AP3B1: variants seen among roughly 807,000 people sequenced by gnomAD.
AP3B1 encodes AP-3 complex subunit beta-1.
In AP3B1, 61 loss-of-function variants were observed where a neutral mutation model predicts 132.5. The ratio of observed to expected loss-of-function variants is 0.46; its 90% CI spans 0.37 to 0.57. The LOEUF (loss-of-function observed/expected upper bound fraction) is 0.57. AP3B1 is among the 20% of genes least tolerant of loss of function. AP3B1 has a pLI of 0.00. For synonymous variants in AP3B1, 388 were observed against 438.3 expected (o/e 0.89, Z 1.43); for missense variants, 1,120 against 1,289.4 (o/e 0.87, Z 2.01).
intron 17 of AP3B1, among the ~76,000 whole-genome samples, chr5:78,125,582 G>A (rs1052726738): frequency 2.6e-5 from 4 of 152,004 alleles, no homozygotes; most frequent in South Asian, 2.1e-4. Context: ...AACTATCTAC[G>A]TTATTTTTAT....
At position 78,279,334 on chromosome 5, in the gene AP3B1, A is replaced by G. The variant is rs929156208; in HGVS notation, c.129-11739T>C. 2.6e-5 allele frequency among the ~76,000 whole-genome samples: 4 copies of G among 152,142 alleles called. No individual in the cohort carries two copies. In the East Asian group the frequency reaches 7.7e-4, roughly 29 times the overall value. ...GGTTTTATTTTCTGAAGCTTATAAC[A>G]CTGTCTTATTTTAGTATCACAAAGT... On this transcript the variant is annotated intron_variant, in intron 1 of 26. Transcript: ENST00000255194.
chr5:78,223,905 CAGAG>C (rs1430514542), intron 6 of AP3B1, among the ~76,000 whole-genome samples: 1 of 152,128 alleles, frequency 6.6e-6, no homozygotes, highest in Non-Finnish European at 1.5e-5. Flanking sequence ...ACATATTATA[CAGAG>C]AGAGTTCATT....
chr5:78,229,069 A>G (rs1746519009), intron 3 of AP3B1, among the ~76,000 whole-genome samples: 1 of 151,844 alleles, frequency 6.6e-6, no homozygotes, highest in Non-Finnish European at 1.5e-5. Flanking sequence ...AGTGGCTGGA[A>G]CTACAGGTAT....
Position 78,142,899 on chromosome 5 carries a change from C to A in AP3B1, c.1474-1580G>T, listed in dbSNP as rs1313650362. ...TGGAAAGAAAAGAGGTTATTTCTAA[C>A]GTTCCAAAGGTTACACTGCATTAAG... is the stretch of plus-strand genomic sequence containing the variant. On this transcript the variant is annotated intron_variant, in intron 14 of 26. Coordinates refer to ENST00000255194, the MANE Select transcript of AP3B1 (RefSeq NM_003664.5). 2.0e-5 allele frequency among the ~76,000 whole-genome samples: 3 copies of A among 152,056 alleles called. No individual in the cohort carries two copies. In the East Asian group the frequency reaches 5.8e-4, roughly 29 times the overall value.
chr5:78,149,239 T>C (rs1425489568), intron 14 of AP3B1, among the ~76,000 whole-genome samples: 1 of 152,162 alleles, frequency 6.6e-6, no homozygotes, highest in Non-Finnish European at 1.5e-5. Flanking sequence ...AGATAGATTA[T>C]AAATGGAAGT....
chr5:78,274,949 C>T (rs747771079), intron 1 of AP3B1, among the ~76,000 whole-genome samples: 3 of 151,936 alleles, frequency 2.0e-5, no homozygotes, highest in Non-Finnish European at 4.4e-5. Context: ...AGAAAATTAC[C>T]TTGAGACAGG....
chr5:78,221,532 A>T (rs896240369), intron 6 of AP3B1, among the ~76,000 whole-genome samples: 1 of 151,980 alleles, frequency 6.6e-6, no homozygotes, highest in Admixed American at 6.6e-5. Context: ...AGCAAAAATA[A>T]TCAGATGTGA....
intron 26 of AP3B1, among the ~76,000 whole-genome samples, chr5:78,006,117 G>A (rs1278960702): frequency 1.3e-5 from 2 of 152,318 alleles, no homozygotes; most frequent in Non-Finnish European, 2.9e-5. Flanking sequence ...TGTTCTGGCA[G>A]TGGGTTCTAA....
intron 23 of AP3B1, among the ~76,000 whole-genome samples, chr5:78,035,767 C>G (rs1420649613): frequency 1.3e-5 from 2 of 152,028 alleles, no homozygotes; most frequent in Non-Finnish European, 1.5e-5. Flanking sequence ...CTAACATTTT[C>G]CAGGATGCCA....
In AP3B1 at chr5:78,294,565, A is replaced by T. The variant is rs1323574701; in HGVS notation, c.15T>A (p.Ser5Arg). The change falls in exon 1 of 27, where the codon AGT becomes AGA. Residue 5 changes from serine to arginine, a missense_variant. Physicochemically the swap from Ser to Arg is moderately radical, Grantham distance 110. Coordinates refer to ENST00000255194, the MANE Select transcript of AP3B1 (RefSeq NM_003664.5). ...CTCCGGACTGCTCATTGTAAGGAAA[A>T]CTATTGCTGGACATTGCCGCGGTGC... The part of the protein sequence containing the change: MSSN[S>R]FPYNEQSGGG... The T allele has an allele frequency of 6.2e-7, 1 of 1,614,140 alleles. No individual in the cohort carries two copies. The highest frequency in any genetic ancestry group is 1.1e-5 in the South Asian group (1 of 91,088).
chr5:78,193,746 A>ATATT (rs1744949291), intron 7 of AP3B1, among the ~76,000 whole-genome samples: 1 of 26,040 alleles, frequency 3.8e-5, no homozygotes, highest in Non-Finnish European at 7.2e-5. Flanking sequence ...ATATTTTTTT[A>ATATT]TATATATATA....
In AP3B1 at chr5:78,107,230, T is replaced by C. The variant is rs141802221; in HGVS notation, c.2397+2977A>G. On this transcript the variant is annotated intron_variant, in intron 20 of 26. Transcript: ENST00000255194. ...AAGGGATGCAGAGACTTTTAAGTAG[T>C]AGGGGAATAGTCATAAAAAAAGATC... Among the ~76,000 whole-genome samples, 271 of 152,212 alleles carry C rather than the reference T, an allele frequency of 1.8e-3. 1 individual carries two copies. Among genetic ancestry groups the C allele is most frequent in the African/African-American group, 6.4e-3 (265 of 41,532 alleles).
rs1226794323 is a variant in AP3B1 at position 78,103,423 on chromosome 5, GA to G, written c.2398-2399del. ...GCAGCATGAGCCATGGAGCTGCAGA[GA>G]AAAGGCAGATGAAATCATATTTTAC... On this transcript the variant is annotated intron_variant, in intron 20 of 26. Transcript: ENST00000255194. 2.0e-5 allele frequency among the ~76,000 whole-genome samples: 3 copies of G among 152,156 alleles called. No individual in the cohort carries two copies. The East Asian group carries it at 5.8e-4, about 29-fold the overall frequency.
At chr5:78,242,646 A>G (rs1277303426) in intron 2 of AP3B1, among the ~76,000 whole-genome samples, 1 of 152,056 alleles carries the variant, frequency 6.6e-6, no homozygotes, top group Non-Finnish European at 1.5e-5. Flanking sequence ...ACCTCAAGTG[A>G]TCCACCCCCC....
At chr5:78,115,079 G>A (rs1369206428) in intron 18 of AP3B1, among the ~76,000 whole-genome samples, 1 of 152,122 alleles carries the variant, frequency 6.6e-6, no homozygotes, top group Non-Finnish European at 1.5e-5. Flanking sequence ...TTACAAACAG[G>A]AAAGTTTATT....
At chr5:78,260,315 G>A (rs142194182) in intron 2 of AP3B1, among the ~76,000 whole-genome samples, 1 of 152,142 alleles carries the variant, frequency 6.6e-6, no homozygotes, top group African/African-American at 2.4e-5. Flanking sequence ...GGCCGGGCGT[G>A]GTGGCTCATG....
At chr5:78,086,788 G>A (rs954648624) in intron 22 of AP3B1, among the ~76,000 whole-genome samples, 2 of 152,062 alleles carry the variant, frequency 1.3e-5, no homozygotes, top group Middle Eastern at 3.2e-3. Context: ...CGTTAAACAC[G>A]TTGGACAACG....
rs1409199536 is a variant in AP3B1 at position 78,174,107 on chromosome 5, CTTCCTTGAGATGGG to C, written c.1167+1505_1167+1518del. The stretch of plus-strand genomic sequence containing the variant: ...TCTAACCTTTTTTCAAGGTTTTTAC[CTTCCTTGAGATGGG>C]TTTGAACATGCTCCTTTCGCTCGGA... On this transcript the variant is annotated intron_variant, in intron 11 of 26. Transcript: ENST00000255194. Among the ~76,000 whole-genome samples the C allele has an allele frequency of 3.3e-5, 5 of 150,766 alleles. No homozygotes were observed. In the East Asian group the frequency reaches 7.7e-4, roughly 23 times the overall value.
intron 1 of AP3B1, among the ~76,000 whole-genome samples, chr5:78,272,749 G>C (rs1156480422): frequency 6.6e-6 from 1 of 151,888 alleles, no homozygotes; most frequent in Non-Finnish European, 1.5e-5. Flanking sequence ...TTTCAAATAA[G>C]AGAGTTAGTT....
Sources: allele counts gnomAD v4.1 joint callset (sites outside exome capture counted in the v4.1 genomes callset), GRCh38; gene constraint gnomAD v4.1.1; transcripts MANE v1.5; gene names NCBI Gene and HGNC (gene_info 2026-07-23, HGNC 2026-07-21).